DNAI4: variants seen among roughly 807,000 people sequenced by gnomAD.
DNAI4 encodes WD repeat domain 78.
A neutral mutation model predicts 105.8 loss-of-function variants in DNAI4; 85 were observed. That is an observed-to-expected ratio of 0.80 (90% CI 0.67 to 0.96). DNAI4 has a LOEUF of 0.96. Ranked by LOEUF, DNAI4 falls within the 40% of genes least tolerant of loss-of-function variation. The pLI, the probability that DNAI4 is intolerant of heterozygous loss-of-function variation, is 0.00. For synonymous variants in DNAI4, 352 were observed against 331.5 expected (o/e 1.06, Z -0.67); for missense variants, 1,014 against 1,005.6 (o/e 1.01, Z -0.11).
Position 66,874,700 on chromosome 1 carries a change from C to T in DNAI4, c.800+81G>A, listed in dbSNP as rs1569701491. 7 of 1,451,492 alleles carry T rather than the reference C, an allele frequency of 4.8e-6. No individual in the cohort carries two copies. In the East Asian group the frequency reaches 1.6e-4, roughly 33 times the overall value. 89.9% of individuals were successfully genotyped at this position (1,451,492 alleles called of 1,614,324 possible). On this transcript the variant is annotated intron_variant, in intron 5 of 16. Coordinates refer to ENST00000371026, the MANE Select transcript of DNAI4 (RefSeq NM_024763.5). The stretch of plus-strand genomic sequence containing the variant: ...GTGTATACCCCAGAACCCCCAAGGA[C>T]CCTTCACAGAAACAAGGATAAGAAC...
At chr1:66,884,516 T>C (rs768446526) in intron 4 of DNAI4, among the ~76,000 whole-genome samples, 2 of 152,228 alleles carry the variant, frequency 1.3e-5, no homozygotes, top group Non-Finnish European at 2.9e-5. Flanking sequence ...TTGTGATGTA[T>C]CATATTTATT....
intron 4 of DNAI4, among the ~76,000 whole-genome samples, chr1:66,880,488 C>A (rs1413626726): frequency 6.6e-6 from 1 of 152,166 alleles, no homozygotes; most frequent in African/African-American, 2.4e-5. Context: ...GGAACTGGAG[C>A]AAAGGTGACT....
In DNAI4 at chr1:66,839,665, A is replaced by G. The variant is rs560343919; in HGVS notation, c.1494+804T>C. Among the ~76,000 whole-genome samples, 3 of 152,368 alleles carry G rather than the reference A, an allele frequency of 2.0e-5. No individual in the cohort carries two copies. In the South Asian group the frequency reaches 6.2e-4, roughly 32 times the overall value. On this transcript the variant is annotated intron_variant, in intron 9 of 16. Coordinates refer to ENST00000371026, the MANE Select transcript of DNAI4 (RefSeq NM_024763.5). ...TCTTCAGAACCAGTTTATAAACCCC[A>G]GAAGAAAATTAGTCTAATTACTCTA...
chr1:66,858,353 C>T (rs549964856), intron 7 of DNAI4, among the ~76,000 whole-genome samples: 1 of 151,214 alleles, frequency 6.6e-6, no homozygotes, highest in Non-Finnish European at 1.5e-5. Flanking sequence ...CATAGTGAAA[C>T]CCCGTCTCTA....
At position 66,833,616 on chromosome 1, in the gene DNAI4, G is replaced by T. The variant is rs1553211817; in HGVS notation, c.1982C>A (p.Ala661Asp). ...ATGAAAAGCAAAACACATTCCAGGA[G>T]CCTGTCGAGATATCAAAGCTTCATC... ...KKDEALISRQAPGMCFAFHPK... is the reference protein window; with the variant it reads ...KKDEALISRQDPGMCFAFHPK... The change falls in exon 13 of 17, where the codon GCT (alanine) becomes GAT (aspartate). Residue 661 changes from alanine (A) to aspartate (D), a missense_variant. Physicochemically the swap from Ala to Asp is moderately radical, Grantham distance 126. Transcript: ENST00000371026. 1 of 1,613,348 alleles carries T rather than the reference G, an allele frequency of 6.2e-7. No individual in the cohort carries two copies. The highest frequency in any genetic ancestry group is 1.1e-5 in the South Asian group (1 of 91,030).
rs200172314 is a variant in DNAI4, at chr1:66,835,659, C to T, written c.1700G>A (p.Arg567Gln). 101 of 1,614,060 alleles carry T rather than the reference C, an allele frequency of 6.3e-5. No individual in the cohort carries two copies. The highest frequency in any genetic ancestry group is 2.4e-4 in the South Asian group (22 of 91,082). Residue 567 changes from arginine (R) to glutamine (Q), a missense_variant, in exon 11 of 17, where the codon CGG becomes CAG. Coordinates refer to ENST00000371026, the MANE Select transcript of DNAI4 (RefSeq NM_024763.5). Reference sequence around the variant, plus strand: ...CAGAACTGGAACATTACTGTTGCTCCGTACATTGTAAATTGCAATTGTGCC... The same window carrying T: ...CAGAACTGGAACATTACTGTTGCTCTGTACATTGTAAATTGCAATTGTGCC... ...HNGTIAIYNV[R>Q]SNSNVPVLDS...
chr1:66,886,771 G>A (rs546140047), intron 4 of DNAI4, among the ~76,000 whole-genome samples: 1 of 152,270 alleles, frequency 6.6e-6, no homozygotes, highest in East Asian at 1.9e-4. Flanking sequence ...GGGCACGGTT[G>A]TCTTATCCCT....
At chr1:66,816,037 G>T (rs539973177) in intron 16 of DNAI4, among the ~76,000 whole-genome samples, 2 of 152,232 alleles carry the variant, frequency 1.3e-5, no homozygotes, top group Admixed American at 6.5e-5. Flanking sequence ...GCCAGGCATG[G>T]TGGCTCACAC....
intron 1 of DNAI4, among the ~76,000 whole-genome samples, chr1:66,919,589 G>A (rs1650315349): frequency 6.6e-6 from 1 of 152,178 alleles, no homozygotes; most frequent in South Asian, 2.1e-4. Flanking sequence ...TTACCTCCAT[G>A]TGCCCACAAA....
chr1:66,837,656 T>A, intron 10 of DNAI4, 54 bp downstream of exon 10: 1 of 1,508,418 alleles, frequency 6.6e-7, no homozygotes, highest in Non-Finnish European at 9.1e-7. Context: ...ATATATTTTA[T>A]GAGAATTTTG....
rs1269463417 is a variant in DNAI4 at position 66,891,414 on chromosome 1, G to A, written c.531-148C>T. On this transcript the variant is annotated intron_variant, in intron 3 of 16. Coordinates refer to ENST00000371026, the MANE Select transcript of DNAI4 (RefSeq NM_024763.5). Reference sequence around the variant, plus strand: ...AGATACATTAATTTTTAAATAATGAGTTGGTTTTTAATATTTCTTAAATAA... The same window carrying A: ...AGATACATTAATTTTTAAATAATGAATTGGTTTTTAATATTTCTTAAATAA... The A allele has an allele frequency of 4.4e-5, 25 of 562,048 alleles. 2 individuals are homozygous for A. The South Asian group carries it at 5.4e-4, about 12-fold the overall frequency. The allele number at this position is 562,048 out of a possible 1,614,324, so 34.8% of individuals were successfully genotyped here.
intron 8 of DNAI4, among the ~76,000 whole-genome samples, chr1:66,845,325 T>C (rs1340036054): frequency 1.3e-5 from 2 of 149,056 alleles, no homozygotes; most frequent in Non-Finnish European, 1.5e-5. Flanking sequence ...AAACAAGAAC[T>C]CAGTTTTTAG....
chr1:66,864,293 G>T (rs942140033), intron 6 of DNAI4, among the ~76,000 whole-genome samples: 3 of 152,158 alleles, frequency 2.0e-5, no homozygotes, highest in African/African-American at 7.2e-5. Context: ...TTATGTAAAA[G>T]ATGGGTAATA....
chr1:66,874,125 G>A (rs916670208), intron 5 of DNAI4, among the ~76,000 whole-genome samples: 1 of 151,706 alleles, frequency 6.6e-6, no homozygotes, highest in African/African-American at 2.4e-5. Context: ...TTTAGATGGA[G>A]GAGAGCGGAA....
intron 16 of DNAI4, among the ~76,000 whole-genome samples, chr1:66,819,118 C>T (rs536535953): frequency 6.6e-6 from 1 of 152,050 alleles, no homozygotes; most frequent in South Asian, 2.1e-4. Flanking sequence ...TATACTGGCC[C>T]CTTTGCCACT....
At chr1:66,840,879 A>C (rs1160452363) in intron 8 of DNAI4, among the ~76,000 whole-genome samples, 1 of 152,210 alleles carries the variant, frequency 6.6e-6, no homozygotes, top group Non-Finnish European at 1.5e-5. Flanking sequence ...CAAAGCCAGC[A>C]GCTTTTCTGT....
At chr1:66,843,248 AG>A (rs1646193958) in intron 8 of DNAI4, among the ~76,000 whole-genome samples, 1 of 147,844 alleles carries the variant, frequency 6.8e-6, no homozygotes, top group Non-Finnish European at 1.5e-5. Context: ...GAGGAGGAGG[AG>A]GATGAAGAAG....
intron 7 of DNAI4, among the ~76,000 whole-genome samples, chr1:66,857,694 C>T (rs149911021): frequency 2.0e-5 from 3 of 152,094 alleles, no homozygotes; most frequent in African/African-American, 7.2e-5. Flanking sequence ...ACCACAACGC[C>T]CGGCTGATTT....
At position 66,833,760 on chromosome 1, in the gene DNAI4, C is replaced by T. The variant is rs368904520; in HGVS notation, c.1892-54G>A. ...TGTTATTTACCACATGAAAGAGTAC[C>T]GCAAATATCATGTGTGTTTCTCCTG... On this transcript the variant is annotated intron_variant, in intron 12 of 16. Coordinates refer to ENST00000371026, the MANE Select transcript of DNAI4 (RefSeq NM_024763.5). 859 of 1,577,916 alleles carry T rather than the reference C, an allele frequency of 5.4e-4. 1 individual carries two copies. The highest frequency in any genetic ancestry group is 1.5e-3 in the South Asian group (129 of 86,450).
Sources: gnomAD v4.1 joint callset for allele counts (sites outside exome capture counted in the v4.1 genomes callset) on GRCh38, gnomAD v4.1.1 for gene constraint, MANE v1.5 for transcripts, NCBI Gene and HGNC (gene_info 2026-07-23, HGNC 2026-07-21) for gene names.